The following VWCE variants were observed in gnomAD, a reference collection of about 807,000 sequenced individuals.
VWCE encodes von Willebrand factor C and EGF domain-containing protein.
VWCE carries 68 observed loss-of-function variants against 102.9 expected under a neutral mutation model. That is an observed-to-expected ratio of 0.66 (90% CI 0.54 to 0.81). The LOEUF (loss-of-function observed/expected upper bound fraction) is 0.81. Ranked by LOEUF, VWCE falls within the 30% of genes least tolerant of loss-of-function variation. VWCE has a pLI of 0.00. For missense variants in VWCE, 1,137 were observed against 1,263.6 expected, an observed-to-expected ratio of 0.90 and a Z score of 1.52; for synonymous variants, 497 against 515.4, an observed-to-expected ratio of 0.96 and a Z score of 0.48.
intron 11 of VWCE, among the ~76,000 whole-genome samples, 158 bp from the exon 12 acceptor site, chr11:61,274,742 T>A (rs1854851984): frequency 6.6e-6 from 1 of 151,872 alleles, no homozygotes; most frequent in African/African-American, 2.4e-5. Context: ...CTTCTCCCCC[T>A]CCAAACCCCA....
chr11:61,265,985 G>A (rs1444343782), intron 16 of VWCE, among the ~76,000 whole-genome samples: 1 of 152,164 alleles, frequency 6.6e-6, no homozygotes, highest in East Asian at 1.9e-4. Flanking sequence ...GGCGGAGGTT[G>A]CAGTGAGCCA....
intron 14 of VWCE, among the ~76,000 whole-genome samples, chr11:61,270,083 A>G (rs921317497): frequency 2.6e-5 from 4 of 151,718 alleles, no homozygotes; most frequent in Non-Finnish European, 1.5e-5. Flanking sequence ...ACGCCCAGCT[A>G]ATTTTTTTTG....
chr11:61,286,391 C>A lies in VWCE; in HGVS notation c.464G>T (p.Cys155Phe). The part of the protein sequence containing the change: ...ECVTSSCEGH[C>F]VNTEGGFVCE... Reference sequence around the variant, plus strand: ...CACAAACCCACCTTCTGTGTTCACACAGTGGCCCTCGCAGGAGGAGGTTAC... The same window carrying A: ...CACAAACCCACCTTCTGTGTTCACAAAGTGGCCCTCGCAGGAGGAGGTTAC... The change falls in exon 5 of 20, where the codon TGT (cysteine) becomes TTT (phenylalanine). Residue 155 changes from cysteine to phenylalanine, a missense_variant. Physicochemically the swap from Cys to Phe is radical, Grantham distance 205. This residue lies in a region of VWCE where 575 missense variants were observed against 625.9 expected (regional missense o/e 0.92). Coordinates refer to ENST00000335613, the MANE Select transcript of VWCE (RefSeq NM_152718.2). The A allele has an allele frequency of 6.2e-7, 1 of 1,612,958 alleles. No individual in the cohort carries two copies. Among genetic ancestry groups the A allele is most frequent in the African/African-American group, 1.3e-5 (1 of 75,074 alleles).
chr11:61,269,785 C>T (rs1298635866), intron 14 of VWCE, among the ~76,000 whole-genome samples: 2 of 151,916 alleles, frequency 1.3e-5, no homozygotes, highest in East Asian at 1.9e-4. Flanking sequence ...AACAATCTGA[C>T]AGTTTGAACC....
intron 9 of VWCE, among the ~76,000 whole-genome samples, chr11:61,279,724 CTTT>C (rs1442449103): frequency 6.6e-6 from 1 of 151,926 alleles, no homozygotes; most frequent in Non-Finnish European, 1.5e-5. Context: ...TGAGAATCTG[CTTT>C]TTTTCTTTTT....
chr11:61,273,811 T>C (rs1854816471), intron 12 of VWCE: 1 of 160,046 alleles, frequency 6.2e-6, no homozygotes, highest in Admixed American at 6.1e-5. Context: ...AGAGAGAGTC[T>C]CTATAACTGA....
intron 1 of VWCE, among the ~76,000 whole-genome samples, chr11:61,293,017 G>A (rs1590664370): frequency 1.3e-5 from 2 of 151,400 alleles, no homozygotes; most frequent in South Asian, 4.2e-4. Flanking sequence ...CAAGGCGGGC[G>A]GATCACCCGA....
chr11:61,264,382 C>T (rs1258865325), intron 19 of VWCE, 105 bp downstream of exon 19: 1 of 1,193,568 alleles, frequency 8.4e-7, no homozygotes, highest in Non-Finnish European at 1.2e-6. Flanking sequence ...CCTCTCTGAA[C>T]ATGGCTTTCT....
At chr11:61,282,573 A>C (rs1855176884) in intron 6 of VWCE, 1 of 536,352 alleles carries the variant, frequency 1.9e-6, no homozygotes, top group East Asian at 3.1e-5. Flanking sequence ...AACAGGATGA[A>C]AGTGGCAAAT....
chr11:61,264,449 G>T, intron 19 of VWCE, 38 bp downstream of exon 19: 2 of 1,584,710 alleles, frequency 1.3e-6, no homozygotes, highest in Non-Finnish European at 8.6e-7. Context: ...AATGGAAGAA[G>T]ATGGCGGAGA....
At chr11:61,270,428 C>T (rs780162471) in intron 14 of VWCE, among the ~76,000 whole-genome samples, 2 of 152,132 alleles carry the variant, frequency 1.3e-5, no homozygotes, top group Non-Finnish European at 2.9e-5. Context: ...CTAAAAGACT[C>T]GAAGCTCTTA....
rs548176429 is a variant in VWCE, at chr11:61,259,373, T to G, written c.2231-61A>C. The G allele has an allele frequency of 7.3e-6, 11 of 1,515,852 alleles. 1 individual carries two copies. In the South Asian group the frequency reaches 1.5e-4, roughly 20 times the overall value. The allele number at this position is 1,515,852 out of a possible 1,614,324, so 93.9% of individuals were successfully genotyped here. A position where few individuals can be genotyped will look rare whatever the true frequency, so the allele number is the denominator to read the frequency against. On this transcript the variant is annotated intron_variant, in intron 19 of 19. Transcript: ENST00000335613. Reference sequence around the variant, plus strand: ...CTCTCTCCAGTGGCCAAGGTGGCTCTGGGACAAGGTATACCAGGGACACCC... The same window carrying G: ...CTCTCTCCAGTGGCCAAGGTGGCTCGGGGACAAGGTATACCAGGGACACCC...
At position 61,295,305 on chromosome 11, in the gene VWCE, T is replaced by G; in HGVS notation, c.-268A>C. ...AACGCCGCCCGCCTGCTGATGCCTC[T>G]CCGAGAGGCGCGGAGCCCGGGGCGG... is the stretch of plus-strand genomic sequence containing the variant. On this transcript the variant is annotated 5_prime_UTR_variant, in exon 1 of 20. Coordinates refer to ENST00000335613, the MANE Select transcript of VWCE (RefSeq NM_152718.2). This position sits in a 1 kb window ranked among gnomAD's most constrained non-coding sequence, Gnocchi z 4.6. 3.2e-6 allele frequency: 1 copy of G among 312,242 alleles called. No homozygotes were observed. Among genetic ancestry groups the G allele is most frequent in the Non-Finnish European group, 5.9e-6 (1 of 170,874 alleles). 19.3% of individuals were successfully genotyped at this position (312,242 alleles called of 1,614,324 possible). A position where few individuals can be genotyped will look rare whatever the true frequency, so the allele number is the denominator to read the frequency against.
intron 16 of VWCE, among the ~76,000 whole-genome samples, chr11:61,266,878 G>A (rs1049216503): frequency 5.3e-5 from 8 of 152,324 alleles, no homozygotes; most frequent in South Asian, 2.1e-4. Flanking sequence ...GGGTTTGTGC[G>A]TTTCACCTCC....
intron 9 of VWCE, 106 bp downstream of exon 9, chr11:61,280,518 A>C: frequency 8.6e-7 from 1 of 1,163,158 alleles, no homozygotes; most frequent in Non-Finnish European, 1.2e-6. Context: ...TAAACCCTCC[A>C]GGAGATTCTA....
At chr11:61,291,017 G>A in intron 3 of VWCE, 90 bp from the exon 4 acceptor site, 1 of 1,527,206 alleles carries the variant, frequency 6.5e-7, no homozygotes, top group Non-Finnish European at 8.8e-7. Flanking sequence ...TCTGTTGGGA[G>A]GGTAGCTCTG....
At chr11:61,279,752 GTC>G (rs1284031995) in intron 9 of VWCE, among the ~76,000 whole-genome samples, 1 of 151,764 alleles carries the variant, frequency 6.6e-6, no homozygotes, top group Non-Finnish European at 1.5e-5. Context: ...TTTAGCCAGG[GTC>G]TCACTCTGTT....
At chr11:61,272,421 A>AC (rs1200153975) in intron 13 of VWCE, among the ~76,000 whole-genome samples, 2 of 151,964 alleles carry the variant, frequency 1.3e-5, no homozygotes, top group African/African-American at 4.8e-5. Context: ...AGGCACACAC[A>AC]AAAACACAAA....
chr11:61,280,172 G>A (rs537999111), intron 9 of VWCE, among the ~76,000 whole-genome samples: 1 of 152,010 alleles, frequency 6.6e-6, no homozygotes, highest in Non-Finnish European at 1.5e-5. Context: ...TGGCGGGGGC[G>A]AGTCAAAAAG....
Sources: allele counts gnomAD v4.1 joint callset (sites outside exome capture counted in the v4.1 genomes callset), GRCh38; gene constraint gnomAD v4.1.1; regional missense constraint gnomAD v4.1.1; non-coding constraint Gnocchi (gnomAD v3.1); transcripts MANE v1.5; gene names NCBI Gene and HGNC (gene_info 2026-07-23, HGNC 2026-07-21).